PDE1C: variants seen among roughly 807,000 people sequenced by gnomAD.
PDE1C encodes dual specificity calcium/calmodulin-dependent 3',5'-cyclic nucleotide phosphodiesterase 1C.
Under a neutral mutation model 93.1 loss-of-function variants are expected in PDE1C, and 62 were observed. The observed-to-expected ratio is 0.67, with a 90% confidence interval of 0.54 to 0.82. The LOEUF is 0.82. PDE1C is among the 40% of genes least tolerant of loss of function. The pLI is 0.00. For synonymous variants in PDE1C, 325 were observed against 310.1 expected, an observed-to-expected ratio of 1.05 and a Z score of -0.50; for missense variants, 742 against 884.6, an observed-to-expected ratio of 0.84 and a Z score of 2.04.
intron 1 of PDE1C, among the ~76,000 whole-genome samples, chr7:32,309,056 G>A (rs1467302834): frequency 6.6e-6 from 1 of 152,042 alleles, no homozygotes; most frequent in Non-Finnish European, 1.5e-5. Context: ...GTCCTTAAAG[G>A]AGCTGATGGA....
intron 2 of PDE1C, among the ~76,000 whole-genome samples, chr7:32,001,046 A>G (rs989429533): frequency 9.2e-5 from 14 of 152,192 alleles, no homozygotes; most frequent in African/African-American, 3.4e-4. Flanking sequence ...GACAGCAAAA[A>G]CACCAAGTGA....
chr7:31,801,184 T>A (rs1276098771), intron 16 of PDE1C, among the ~76,000 whole-genome samples: 1 of 151,070 alleles, frequency 6.6e-6, no homozygotes, highest in South Asian at 2.1e-4. Flanking sequence ...ATAGAAAATA[T>A]TAATGGTGAT....
intron 1 of PDE1C, among the ~76,000 whole-genome samples, chr7:32,325,226 C>G (rs564985364): frequency 6.6e-6 from 1 of 152,366 alleles, no homozygotes; most frequent in South Asian, 2.1e-4. Context: ...CTGCGTCACC[C>G]TGAAGAGAGC....
intron 1 of PDE1C, among the ~76,000 whole-genome samples, chr7:32,215,397 C>G (rs1469986793): frequency 6.6e-6 from 1 of 152,180 alleles, no homozygotes; most frequent in Non-Finnish European, 1.5e-5. Flanking sequence ...TTGAGAACCA[C>G]TGTTTTAAAC....
chr7:31,761,251 T>C (rs184221495), intron 17 of PDE1C, among the ~76,000 whole-genome samples: 8 of 152,316 alleles, frequency 5.3e-5, no homozygotes, highest in Admixed American at 5.2e-4. Context: ...TTATAATAAC[T>C]ACCAATAATA....
chr7:32,220,032 G>A (rs927955907), intron 1 of PDE1C, among the ~76,000 whole-genome samples: 1 of 152,028 alleles, frequency 6.6e-6, no homozygotes, highest in Non-Finnish European at 1.5e-5. Context: ...GCCACCATGT[G>A]AGTCATGTCT....
the PDE1C span, among the ~76,000 whole-genome samples, chr7:31,678,294 G>T: frequency 6.6e-6 from 1 of 152,090 alleles, no homozygotes; most frequent in Non-Finnish European, 1.5e-5. Flanking sequence ...TAAGAACAAT[G>T]AAAGAAGGGG....
intron 2 of PDE1C, among the ~76,000 whole-genome samples, chr7:31,973,493 A>G (rs1280650186): frequency 6.6e-6 from 1 of 152,206 alleles, no homozygotes; most frequent in African/African-American, 2.4e-5. Context: ...TTTTTCACTG[A>G]GAAAACTTTG....
chr7:32,086,050 G>T (rs1797050379), intron 3 of PDE1C, among the ~76,000 whole-genome samples: 1 of 151,644 alleles, frequency 6.6e-6, no homozygotes, highest in Non-Finnish European at 1.5e-5. Flanking sequence ...ATTAGGAAAA[G>T]AGGAAGTCAA....
chr7:31,667,181 T>A, the PDE1C span, among the ~76,000 whole-genome samples: 1 of 152,132 alleles, frequency 6.6e-6, no homozygotes, highest in Non-Finnish European at 1.5e-5. Context: ...GATGTCCGGC[T>A]GACCTACCCG....
intron 1 of PDE1C, among the ~76,000 whole-genome samples, chr7:32,242,488 C>A (rs149776948): frequency 1.1e-4 from 16 of 152,072 alleles, no homozygotes. Context: ...GTGAGGAAGT[C>A]GGTTAATGAA....
chr7:32,203,538 C>A (rs1318116358), intron 2 of PDE1C, among the ~76,000 whole-genome samples: 1 of 152,192 alleles, frequency 6.6e-6, no homozygotes, highest in Non-Finnish European at 1.5e-5. Flanking sequence ...TTCACTCCCC[C>A]ATCCACCCTA....
chr7:31,728,129 A>C, the PDE1C span, among the ~76,000 whole-genome samples: 4 of 152,318 alleles, frequency 2.6e-5, no homozygotes, highest in East Asian at 1.9e-4. Flanking sequence ...CATGGGGTAA[A>C]TCCTGTGAGC....
chr7:32,375,116 C>A (rs541334327), intron 1 of PDE1C, among the ~76,000 whole-genome samples: 26 of 152,274 alleles, frequency 1.7e-4, no homozygotes, highest in African/African-American at 6.3e-4. Flanking sequence ...GGGCTACTAG[C>A]AGCCAGTTGT....
rs267601487 is a variant in PDE1C, at chr7:31,823,155, G to A, written c.1500C>T (p.Ser500=). ...GSAPINNSVI[S]VDYKSFKATW... The stretch of plus-strand genomic sequence containing the variant: ...TAGCTTTAAAGCTCTTATAGTCAAC[G>A]GAGATGACAGAATTGTTGATCGGGG... The change falls in exon 14 of 18, where the codon TCC becomes TCT. Residue 500 remains serine, a synonymous_variant. Coordinates refer to ENST00000396191, the MANE Select transcript of PDE1C (RefSeq NM_001191057.4). The A allele has an allele frequency of 1.4e-5, 23 of 1,613,190 alleles. No individual in the cohort carries two copies. The African/African-American group carries it at 2.0e-4, about 14-fold the overall frequency.
chr7:32,056,398 C>CACAT (rs1252871297), intron 1 of PDE1C, among the ~76,000 whole-genome samples: 2 of 151,706 alleles, frequency 1.3e-5, no homozygotes, highest in Non-Finnish European at 2.9e-5. Context: ...CACACACACA[C>CACAT]ACACACAGCT....
chr7:32,222,422 C>T (rs1435617781), intron 1 of PDE1C, among the ~76,000 whole-genome samples: 1 of 152,172 alleles, frequency 6.6e-6, no homozygotes, highest in East Asian at 1.9e-4. Flanking sequence ...ACTTGAGCTG[C>T]TCGATAAAGG....
intron 1 of PDE1C, among the ~76,000 whole-genome samples, chr7:32,318,331 G>C (rs528159210): frequency 4.7e-4 from 72 of 152,172 alleles, no homozygotes; most frequent in Admixed American, 1.8e-3. Context: ...ACCATGTTTC[G>C]AGGGGTTCCC....
At chr7:32,309,099 A>C (rs1332670921) in intron 1 of PDE1C, among the ~76,000 whole-genome samples, 5 of 152,218 alleles carry the variant, frequency 3.3e-5, no homozygotes, top group Non-Finnish European at 7.3e-5. Flanking sequence ...CTATGTGAAG[A>C]ATGCAGAAGC....
Sources: gnomAD v4.1 joint callset for allele counts (sites outside exome capture counted in the v4.1 genomes callset) on GRCh38, gnomAD v4.1.1 for gene constraint, MANE v1.5 for transcripts, NCBI Gene and HGNC (gene_info 2026-07-23, HGNC 2026-07-21) for gene names.